CDKN2B-AS1: variants seen among roughly 807,000 people sequenced by gnomAD.
CDKN2B-AS1 encodes the protein CDKN2B and CDKN2A antisense cis and trans regulatory RNA 1.
intron 1 of CDKN2B-AS1, among the ~76,000 whole-genome samples, chr9:22,011,514 T>C (rs1178672334): frequency 6.6e-6 from 1 of 152,234 alleles, no homozygotes; most frequent in Non-Finnish European, 1.5e-5. Context: ...TAATCATTGT[T>C]GGAGGTGGGT....
rs963354249 is a variant in CDKN2B-AS1, at chr9:22,001,964, G to T, written n.29+6803G>T. On this transcript the variant is annotated intron_variant and non_coding_transcript_variant, in intron 1 of 4. Transcript: ENST00000650946. The surrounding 1 kb of genome is among the most constrained non-coding windows in gnomAD (Gnocchi z 4.2). ...GTTATAAGTAGAATAGGAAAATATT[G>T]AAAGTATTGAGGCTCAACTGTTGTT... Among the ~76,000 whole-genome samples, 13 of 152,134 alleles carry T rather than the reference G, an allele frequency of 8.5e-5. No individual in the cohort carries two copies. The highest frequency in any genetic ancestry group is 3.4e-3 in the Middle Eastern group (1 of 294).
chr9:22,035,752 C>G (rs1822660995), intron 1 of CDKN2B-AS1, among the ~76,000 whole-genome samples: 1 of 152,186 alleles, frequency 6.6e-6, no homozygotes, highest in South Asian at 2.1e-4. Context: ...TGTGGTGTTT[C>G]CAGAGATAAG....
At chr9:22,034,268 C>T (rs79182326) in intron 1 of CDKN2B-AS1, among the ~76,000 whole-genome samples, 13,168 of 151,836 alleles carry the variant, frequency 0.087, 574 homozygotes, top group Middle Eastern at 0.13. Flanking sequence ...CTAATTAAAC[C>T]CTGAAGTTTG....
chr9:22,006,146 A>G lies in CDKN2B-AS1; in HGVS notation n.29+10985A>G, dbSNP rs1821172360. On this transcript the variant is annotated intron_variant and non_coding_transcript_variant, in intron 1 of 4. Coordinates refer to ENST00000650946, the Ensembl canonical transcript of CDKN2B-AS1. This position sits in a 1 kb window ranked among gnomAD's most constrained non-coding sequence, Gnocchi z 6.4. Reference sequence around the variant, plus strand: ...TGTCCAGGAAGCCCTCCCGGGCAGCATCATGCACCGGTCGGGTGAGAGTGG... The same window carrying G: ...TGTCCAGGAAGCCCTCCCGGGCAGCGTCATGCACCGGTCGGGTGAGAGTGG... 6.2e-7 allele frequency: 1 copy of G among 1,611,738 alleles called. No individual in the cohort carries two copies. The highest frequency in any genetic ancestry group is 1.3e-5 in the African/African-American group (1 of 75,052).
At chr9:22,059,537 C>T (rs541706249) in intron 4 of CDKN2B-AS1, among the ~76,000 whole-genome samples, 5 of 152,254 alleles carry the variant, frequency 3.3e-5, no homozygotes, top group South Asian at 4.1e-4. Flanking sequence ...CTGCTTTCAC[C>T]GGCTGGTGTT....
chr9:22,073,643 GTTTTGACCCA>G (rs1206344197), intron 4 of CDKN2B-AS1, among the ~76,000 whole-genome samples: 1 of 152,122 alleles, frequency 6.6e-6, no homozygotes, highest in African/African-American at 2.4e-5. Context: ...ACTGCCTGCT[GTTTTGACCCA>G]TTTAGCTACT....
chr9:22,039,453 C>T lies in CDKN2B-AS1; in HGVS notation n.30-7298C>T, dbSNP rs941909164. Among the ~76,000 whole-genome samples the T allele has an allele frequency of 4.6e-5, 7 of 151,998 alleles. No homozygotes were observed. The South Asian group carries it at 8.3e-4, about 18-fold the overall frequency. ...CCCTGTTTTAGCTGTGTCTTAATTG[C>T]GCAACATCTGTTTACTCTGTGTTTT... On this transcript the variant is annotated intron_variant and non_coding_transcript_variant, in intron 1 of 4. Transcript: ENST00000650946. The surrounding 1 kb of genome is among the most constrained non-coding windows in gnomAD (Gnocchi z 4.4).
chr9:22,041,721 C>T (rs1310323950), intron 1 of CDKN2B-AS1, among the ~76,000 whole-genome samples: 2 of 151,950 alleles, frequency 1.3e-5, no homozygotes, highest in African/African-American at 4.8e-5. Context: ...TTTGAAGATA[C>T]TTTACATAAA....
intron 4 of CDKN2B-AS1, chr9:22,064,086 T>G (rs1202615550): frequency 2.0e-5 from 3 of 152,202 alleles, no homozygotes; most frequent in Middle Eastern, 3.4e-3. Flanking sequence ...TACTGAGTAT[T>G]TAAGGTCTAG....
intron 3 of CDKN2B-AS1, among the ~76,000 whole-genome samples, chr9:22,049,483 C>CCT (rs1554670167): frequency 6.6e-6 from 1 of 151,930 alleles, no homozygotes; most frequent in Non-Finnish European, 1.5e-5. Context: ...TTTTAGGACT[C>CCT]TCTGCACACT....
chr9:22,121,977 C>T (rs1826112566), intron 4 of CDKN2B-AS1, among the ~76,000 whole-genome samples: 1 of 151,906 alleles, frequency 6.6e-6, no homozygotes, highest in Non-Finnish European at 1.5e-5. Context: ...CCATTCTGTC[C>T]TCCATAGTGG....
chr9:22,041,150 A>G (rs761501671), intron 1 of CDKN2B-AS1, among the ~76,000 whole-genome samples: 2 of 152,044 alleles, frequency 1.3e-5, no homozygotes, highest in Non-Finnish European at 2.9e-5. Context: ...AAACTGGGAT[A>G]AAGAGAAAAT....
exon 4 of CDKN2B-AS1, chr9:22,056,282 C>T (rs556271794): frequency 6.8e-6 from 1 of 146,222 alleles, no homozygotes; most frequent in Non-Finnish European, 1.5e-5. Context: ...GTTGGCCAGA[C>T]TGGTCTTGAA....
chr9:22,057,115 A>G (rs896382954), intron 4 of CDKN2B-AS1, among the ~76,000 whole-genome samples: 2 of 152,150 alleles, frequency 1.3e-5, no homozygotes, highest in Non-Finnish European at 2.9e-5. Context: ...TTTGCCTCTG[A>G]GTGTATGTGA....
chr9:22,041,232 A>G (rs561786066), intron 1 of CDKN2B-AS1, among the ~76,000 whole-genome samples: 3 of 152,156 alleles, frequency 2.0e-5, no homozygotes, highest in Non-Finnish European at 2.9e-5. Flanking sequence ...AGAAAAATAG[A>G]CAATCTGAAG....
chr9:22,052,040 C>T (rs903975065), intron 3 of CDKN2B-AS1, among the ~76,000 whole-genome samples: 4 of 152,020 alleles, frequency 2.6e-5, no homozygotes, highest in African/African-American at 7.3e-5. Context: ...GGTGGGGGAT[C>T]CTGGTGGCCA....
At chr9:22,069,880 C>G (rs1184080171) in intron 4 of CDKN2B-AS1, among the ~76,000 whole-genome samples, 2 of 151,612 alleles carry the variant, frequency 1.3e-5, no homozygotes, top group Non-Finnish European at 2.9e-5. Context: ...TTTGTTTTTT[C>G]TTTTTGCAGA....
At chr9:22,067,993 A>G (rs967459000) in intron 4 of CDKN2B-AS1, among the ~76,000 whole-genome samples, 8 of 152,202 alleles carry the variant, frequency 5.3e-5, no homozygotes, top group Non-Finnish European at 1.0e-4. Flanking sequence ...CAAGATAACA[A>G]CAATAATTTA....
intron 4 of CDKN2B-AS1, among the ~76,000 whole-genome samples, chr9:22,125,409 A>T (rs945761581): frequency 6.6e-6 from 1 of 152,180 alleles, no homozygotes; most frequent in Non-Finnish European, 1.5e-5. Flanking sequence ...TCATATTCCA[A>T]CTTGTGTATG....
Sources: allele counts gnomAD v4.1 joint callset (sites outside exome capture counted in the v4.1 genomes callset), GRCh38; gene constraint gnomAD v4.1.1; non-coding constraint Gnocchi (gnomAD v3.1); transcripts MANE v1.5; gene names NCBI Gene and HGNC (gene_info 2026-07-23, HGNC 2026-07-21).